Variants in C8A observed in about 807,000 individuals in gnomAD.
The protein encoded by C8A is complement component C8 alpha chain.
C8A carries 67 observed loss-of-function variants against 65.3 expected under a neutral mutation model. That is an observed-to-expected ratio of 1.03 (90% CI 0.84 to 1.26). The LOEUF (loss-of-function observed/expected upper bound fraction) is 1.26, where lower values mean the gene tolerates loss of function less well. Among genes scored for constraint, C8A ranks in the 50% most tolerant of loss-of-function variants. The pLI is 0.00. For missense variants in C8A, 781 were observed against 723.9 expected, an observed-to-expected ratio of 1.08 and a Z score of -0.90; for synonymous variants, 290 against 259.4, an observed-to-expected ratio of 1.12 and a Z score of -1.13.
chr1:56,886,380 G>A (rs1444503697), intron 7 of C8A, among the ~76,000 whole-genome samples: 2 of 152,158 alleles, frequency 1.3e-5, no homozygotes, highest in Non-Finnish European at 2.9e-5. Context: ...TTTGAGCTCA[G>A]ACTTGTCTAG....
rs17114555 is a variant in C8A at position 56,908,105 on chromosome 1, G to A, written c.1372G>A (p.Asp458Asn). ...RSLKYNPVVI[D>N]FEMQPIHEVL... ...ATTAAAGTATAATCCTGTTGTTATC[G>A]ATTTTGAGGTAAGTCTTTTCGCAGT... Residue 458 changes from aspartate to asparagine, a missense_variant, in exon 9 of 11, where the codon GAT (aspartate) becomes AAT (asparagine). By Grantham distance (23) the Asp-to-Asn change is conservative. Transcript: ENST00000361249. The A allele has an allele frequency of 5.3e-3, 8,485 of 1,614,044 alleles. 353 individuals are homozygous for A. The African/African-American group carries it at 0.095, about 18-fold the overall frequency.
intron 10 of C8A, 99 bp from the exon 11 acceptor site, chr1:56,917,466 C>A (rs190769512): frequency 3.1e-6 from 4 of 1,295,778 alleles, no homozygotes; most frequent in Admixed American, 3.5e-5. Context: ...CAGTTCCTCT[C>A]CCAAGGGTGC....
chr1:56,884,794 C>T (rs1440847172), intron 6 of C8A, among the ~76,000 whole-genome samples: 1 of 152,076 alleles, frequency 6.6e-6, no homozygotes, highest in Non-Finnish European at 1.5e-5. Flanking sequence ...TTCTTTATTA[C>T]TTAGTTCAAG....
intron 1 of C8A, among the ~76,000 whole-genome samples, chr1:56,856,792 C>T (rs938540436): frequency 4.0e-5 from 6 of 151,318 alleles, no homozygotes; most frequent in African/African-American, 1.5e-4. Flanking sequence ...ATCTCTATTA[C>T]ATATTTTATA....
In C8A at chr1:56,881,644, A is replaced by T; in HGVS notation, c.654+10A>T. 1.2e-6 allele frequency: 2 copies of T among 1,612,062 alleles called. No individual in the cohort carries two copies. The highest frequency in any genetic ancestry group is 1.7e-6 in the Non-Finnish European group (2 of 1,179,310). Reference sequence around the variant, plus strand: ...GAAGTACCACTTTGAAGTAAGTCTGAACAGAGGGGCTCTGAGGCCACTGTG... The same window carrying T: ...GAAGTACCACTTTGAAGTAAGTCTGTACAGAGGGGCTCTGAGGCCACTGTG... On this transcript the variant is annotated intron_variant, in intron 5 of 10. Coordinates refer to ENST00000361249, the MANE Select transcript of C8A (RefSeq NM_000562.3).
intron 7 of C8A, among the ~76,000 whole-genome samples, chr1:56,896,120 A>G (rs895784048): frequency 4.6e-5 from 7 of 152,148 alleles, no homozygotes; most frequent in African/African-American, 7.2e-5. Flanking sequence ...AAAATCATCA[A>G]TAGCCCTAAG....
At chr1:56,857,086 G>A (rs946252484) in intron 1 of C8A, among the ~76,000 whole-genome samples, 1 of 151,968 alleles carries the variant, frequency 6.6e-6, no homozygotes, top group African/African-American at 2.4e-5. Flanking sequence ...ATCAACCTTA[G>A]TGAATATTCC....
Position 56,886,066 on chromosome 1 carries a change from A to G in C8A, c.995A>G (p.Lys332Arg). 6.2e-7 allele frequency: 1 copy of G among 1,614,016 alleles called. No homozygotes were observed. Among genetic ancestry groups the G allele is most frequent in the East Asian group, 2.2e-5 (1 of 44,860 alleles). The change falls in exon 7 of 11, where the codon AAG becomes AGG. Residue 332 changes from lysine (K) to arginine (R), a missense_variant. By Grantham distance (26) the Lys-to-Arg change is conservative (BLOSUM62 2). Coordinates refer to ENST00000361249, the MANE Select transcript of C8A (RefSeq NM_000562.3). ...PDQYNYGMYA[K>R]FINDYGTHYI... The stretch of plus-strand genomic sequence containing the variant: ...CAGTACAATTATGGCATGTATGCCA[A>G]GTTCATCAATGACTATGGCACCCAT...
Position 56,917,578 on chromosome 1 carries a change from T to C in C8A, c.1617T>C (p.Asp539=). Residue 539 remains aspartate (D), a synonymous_variant, in exon 11 of 11, where the codon GAT becomes GAC. Transcript: ENST00000361249. ...TTTCCTCTGCAGGAGCCAAAGCAGA[T>C]GGGAGCTGGAGTTGCTGGAGCTCCT... ...EQTQTEGAKA[D]GSWSCWSSWS... The C allele has an allele frequency of 6.2e-7, 1 of 1,614,138 alleles. No individual in the cohort carries two copies. The highest frequency in any genetic ancestry group is 8.5e-7 in the Non-Finnish European group (1 of 1,180,010).
chr1:56,912,299 C>A, intron 9 of C8A, 104 bp from the exon 10 acceptor site: 9 of 995,022 alleles, frequency 9.0e-6, no homozygotes, highest in Admixed American at 2.0e-5. Context: ...TGTGTCTGTG[C>A]CTGGCATGTA....
chr1:56,864,199 T>C (rs1263059754), intron 1 of C8A, among the ~76,000 whole-genome samples: 1 of 152,172 alleles, frequency 6.6e-6, no homozygotes, highest in African/African-American at 2.4e-5. Context: ...TTGATGTTTA[T>C]GATGAGAATG....
At chr1:56,859,464 A>G (rs1482085562) in intron 1 of C8A, among the ~76,000 whole-genome samples, 1 of 152,238 alleles carries the variant, frequency 6.6e-6, no homozygotes, top group African/African-American at 2.4e-5. Context: ...TCTGGAGAGA[A>G]TGAACTGAAG....
At position 56,909,939 on chromosome 1, in the gene C8A, C is replaced by T. The variant is rs1045328135; in HGVS notation, c.1380+1826C>T. Among the ~76,000 whole-genome samples, 21 of 152,316 alleles carry T rather than the reference C, an allele frequency of 1.4e-4. No individual in the cohort carries two copies. In the East Asian group the frequency reaches 3.7e-3, roughly 27 times the overall value. On this transcript the variant is annotated intron_variant, in intron 9 of 10. Coordinates refer to ENST00000361249, the MANE Select transcript of C8A (RefSeq NM_000562.3). ...GACACTAACATCCTCAGTCTCTTCACAACTCATGTTGCCCCCTGAGAAGTT... is the reference window on the plus strand; with the variant it reads ...GACACTAACATCCTCAGTCTCTTCATAACTCATGTTGCCCCCTGAGAAGTT...
At chr1:56,885,869 A>C in intron 6 of C8A, 58 bp from the exon 7 acceptor site, 1 of 1,611,398 alleles carries the variant, frequency 6.2e-7, no homozygotes, top group Non-Finnish European at 8.5e-7. Context: ...ATTATTTCTA[A>C]TGGTAAAATA....
chr1:56,917,641 A>G lies in C8A; in HGVS notation c.1680A>G (p.Arg560=). 1 of 1,614,218 alleles carries G rather than the reference A, an allele frequency of 6.2e-7. No homozygotes were observed. The highest frequency in any genetic ancestry group is 1.1e-5 in the South Asian group (1 of 91,080). Residue 560 remains arginine, a synonymous_variant, in exon 11 of 11, where the codon AGA becomes AGG. Transcript: ENST00000361249. ...GAGCAGGCATCCAGGAAAGGAGAAG[A>G]GAGTGTGACAATCCAGCACCTCAGA... ...VCRAGIQERR[R]ECDNPAPQNG... is the part of the protein sequence containing the mutation.
At chr1:56,915,860 C>G (rs1383839837) in intron 10 of C8A, among the ~76,000 whole-genome samples, 3 of 152,162 alleles carry the variant, frequency 2.0e-5, no homozygotes, top group African/African-American at 7.2e-5. Context: ...AGCAGAGGGT[C>G]TGAGACAACT....
chr1:56,899,363 A>G (rs116098451), intron 7 of C8A, among the ~76,000 whole-genome samples: 2,408 of 152,304 alleles, frequency 0.016, 22 homozygotes, highest in Non-Finnish European at 0.027. Flanking sequence ...GTCTTTGGAC[A>G]CAGGCCTTGG....
At chr1:56,912,180 A>C (rs1030918140) in intron 9 of C8A, among the ~76,000 whole-genome samples, 2 of 152,224 alleles carry the variant, frequency 1.3e-5, no homozygotes, top group Admixed American at 1.3e-4. Context: ...CTTCTGAGCC[A>C]GTCACTTAAA....
chr1:56,878,388 A>G (rs1644218043), intron 4 of C8A, among the ~76,000 whole-genome samples: 1 of 152,210 alleles, frequency 6.6e-6, no homozygotes, highest in Non-Finnish European at 1.5e-5. Flanking sequence ...TAAACAATAG[A>G]AGTGTGAAAT....
Sources: allele counts gnomAD v4.1 joint callset (sites outside exome capture counted in the v4.1 genomes callset), GRCh38; gene constraint gnomAD v4.1.1; transcripts MANE v1.5; gene names NCBI Gene and HGNC (gene_info 2026-07-23, HGNC 2026-07-21).